The following EFL1 variants were observed in gnomAD, a reference collection of about 807,000 sequenced individuals.
EFL1 encodes the protein elongation factor like GTPase 1.
A neutral mutation model predicts 126.7 loss-of-function variants in EFL1; 76 were observed. The ratio of observed to expected loss-of-function variants is 0.60; its 90% CI spans 0.50 to 0.73. The LOEUF (loss-of-function observed/expected upper bound fraction) is 0.73, where lower values mean the gene tolerates loss of function less well. Among genes scored for constraint, EFL1 ranks in the 30% least tolerant of loss-of-function variants. The pLI, the probability that EFL1 is intolerant of heterozygous loss-of-function variation, is 0.00. For synonymous variants in EFL1, 410 were observed against 448.4 expected (o/e 0.91, Z 1.08); for missense variants, 1,128 against 1,343.2 (o/e 0.84, Z 2.50).
chr15:82,181,800 T>A (rs1043317353), intron 15 of EFL1, among the ~76,000 whole-genome samples: 1 of 152,202 alleles, frequency 6.6e-6, no homozygotes, highest in African/African-American at 2.4e-5. Flanking sequence ...ATAACACCAC[T>A]GCTTCTAGTT....
chr15:82,211,768 A>G (rs566190612), intron 15 of EFL1, among the ~76,000 whole-genome samples: 12 of 152,278 alleles, frequency 7.9e-5, no homozygotes, highest in Middle Eastern at 3.4e-3. Flanking sequence ...TTTGCCTAAA[A>G]AAGTAATTCT....
intron 18 of EFL1, among the ~76,000 whole-genome samples, chr15:82,142,185 C>A (rs1195433338): frequency 6.6e-6 from 1 of 152,186 alleles, no homozygotes; most frequent in Non-Finnish European, 1.5e-5. Context: ...CCATCATGAT[C>A]ACTTGTTTGT....
intron 15 of EFL1, among the ~76,000 whole-genome samples, chr15:82,182,532 A>C (rs1039079434): frequency 7.2e-5 from 11 of 152,124 alleles, no homozygotes; most frequent in African/African-American, 2.4e-4. Context: ...CCTGTAAATC[A>C]TATCTTACAG....
intron 3 of EFL1, among the ~76,000 whole-genome samples, chr15:82,256,898 C>CA (rs2075071598): frequency 6.6e-6 from 1 of 152,168 alleles, no homozygotes; most frequent in African/African-American, 2.4e-5. Context: ...CATCCATAAT[C>CA]ATAAGGTTGG....
In EFL1 at chr15:82,238,327, T is replaced by C. The variant is rs1378491193; in HGVS notation, c.711A>G (p.Ala237=). 6.2e-7 allele frequency: 1 copy of C among 1,614,058 alleles called. No homozygotes were observed. Among genetic ancestry groups the C allele is most frequent in the Admixed American group, 1.7e-5 (1 of 60,010 alleles). ...PEQGNVVFTS[A]IDGWGFGIEH... ...CTTACCCAAAGCCCCACCCATCTAT[T>C]GCACTGGTAAACACCACATTTCCCT... Residue 237 remains alanine (A), a synonymous_variant, in exon 7 of 20, where the codon GCA becomes GCG. Coordinates refer to ENST00000268206, the MANE Select transcript of EFL1 (RefSeq NM_024580.6).
intron 6 of EFL1, 76 bp downstream of exon 6, chr15:82,240,342 G>T: frequency 7.1e-7 from 1 of 1,414,458 alleles, no homozygotes. Flanking sequence ...TGTAGCAACG[G>T]CTCATACCCA....
chr15:82,192,561 A>T (rs2074370113), intron 15 of EFL1, among the ~76,000 whole-genome samples: 1 of 152,248 alleles, frequency 6.6e-6, no homozygotes, highest in African/African-American at 2.4e-5. Context: ...GTAATCATGC[A>T]GTCATAGCTC....
At chr15:82,220,256 ATC>A in intron 12 of EFL1, 27 bp from the exon 13 acceptor site, 1 of 1,554,678 alleles carries the variant, frequency 6.4e-7, no homozygotes, top group African/African-American at 1.4e-5. Context: ...ATATGCTGTC[ATC>A]TCTCAGTTCA....
intron 1 of EFL1, 99 bp downstream of exon 1, chr15:82,262,514 GC>G (rs2075137164): frequency 4.6e-6 from 1 of 217,128 alleles, no homozygotes; most frequent in Admixed American, 6.2e-5. Context: ...CTCGGCCCCA[GC>G]CCCTGTTCCC....
chr15:82,167,211 T>G (rs953357864), intron 15 of EFL1, among the ~76,000 whole-genome samples: 1 of 152,190 alleles, frequency 6.6e-6, no homozygotes, highest in Admixed American at 6.5e-5. Flanking sequence ...ATTCTAGTTT[T>G]TATAGAAACA....
intron 5 of EFL1, among the ~76,000 whole-genome samples, chr15:82,240,890 A>G (rs928035023): frequency 3.5e-4 from 53 of 152,316 alleles, no homozygotes; most frequent in African/African-American, 1.3e-3. Context: ...TCTGTATTAA[A>G]AGTACAGAAA....
chr15:82,155,878 T>C (rs537046660), intron 17 of EFL1, among the ~76,000 whole-genome samples: 1 of 152,382 alleles, frequency 6.6e-6, no homozygotes, highest in African/African-American at 2.4e-5. Context: ...GCCTCTTTTA[T>C]GAAGTACCTC....
chr15:82,144,618 G>A (rs1291346208), intron 18 of EFL1, among the ~76,000 whole-genome samples: 3 of 152,150 alleles, frequency 2.0e-5, no homozygotes, highest in Non-Finnish European at 4.4e-5. Flanking sequence ...ACACAGTATT[G>A]GCACATGCAG....
At chr15:82,257,720 T>C (rs2075078315) in intron 3 of EFL1, among the ~76,000 whole-genome samples, 1 of 152,226 alleles carries the variant, frequency 6.6e-6, no homozygotes, top group African/African-American at 2.4e-5. Flanking sequence ...TTGTTACAAC[T>C]GATGAACCAA....
At chr15:82,132,582 A>G (rs1006440868) in intron 19 of EFL1, among the ~76,000 whole-genome samples, 1 of 150,384 alleles carries the variant, frequency 6.6e-6, no homozygotes, top group African/African-American at 2.4e-5. Flanking sequence ...TAGAGTAATA[A>G]CTCTGGTGGG....
At chr15:82,223,539 T>C (rs2074733031) in intron 12 of EFL1, among the ~76,000 whole-genome samples, 2 of 152,236 alleles carry the variant, frequency 1.3e-5, no homozygotes, top group African/African-American at 4.8e-5. Flanking sequence ...ATAATACTAT[T>C]ATTCATCAGC....
intron 15 of EFL1, among the ~76,000 whole-genome samples, chr15:82,198,702 A>C (rs1046611918): frequency 3.9e-5 from 6 of 152,180 alleles, no homozygotes; most frequent in Non-Finnish European, 8.8e-5. Flanking sequence ...GGCCATAGAG[A>C]TTCATCTACC....
chr15:82,158,434 G>A lies in EFL1; in HGVS notation c.1883-574C>T, dbSNP rs190369314. Among the ~76,000 whole-genome samples, 6 of 152,160 alleles carry A rather than the reference G, an allele frequency of 3.9e-5. No individual in the cohort carries two copies. In the East Asian group the frequency reaches 1.2e-3, roughly 29 times the overall value. ...TTCATATATAATTGCTTTTTCCTGG[G>A]AGTTGAGAGTAGGGATAGGGACTGT... On this transcript the variant is annotated intron_variant, in intron 16 of 19. Coordinates refer to ENST00000268206, the MANE Select transcript of EFL1 (RefSeq NM_024580.6).
chr15:82,178,681 G>C (rs764384026), intron 15 of EFL1, among the ~76,000 whole-genome samples: 1 of 152,146 alleles, frequency 6.6e-6, no homozygotes, highest in Non-Finnish European at 1.5e-5. Context: ...TGTCATGCCT[G>C]GTTTCTTCTC....
Sources: allele counts gnomAD v4.1 joint callset (sites outside exome capture counted in the v4.1 genomes callset), GRCh38; gene constraint gnomAD v4.1.1; transcripts MANE v1.5; gene names NCBI Gene and HGNC (gene_info 2026-07-23, HGNC 2026-07-21).